The following KLRG2 variants were observed in gnomAD, a reference collection of about 807,000 sequenced individuals.
The protein encoded by KLRG2 is killer cell lectin-like receptor subfamily G member 2.
Under a neutral mutation model 35.4 loss-of-function variants are expected in KLRG2, and 39 were observed. The observed-to-expected ratio is 1.10, with a 90% CI of 0.85 to 1.44. The LOEUF is 1.44. KLRG2 is among the 40% of genes most tolerant of loss of function. The pLI is 0.00. For synonymous variants in KLRG2, 283 were observed against 265.8 expected (o/e 1.06, Z -0.63); for missense variants, 632 against 570.9 (o/e 1.11, Z -1.09).
chr7:139,455,023 ATT>A (rs35053312), intron 3 of KLRG2, among the ~76,000 whole-genome samples: 2 of 145,414 alleles, frequency 1.4e-5, no homozygotes, highest in African/African-American at 5.0e-5. Context: ...TATATTTAAG[ATT>A]TTTTTTTTTT....
the KLRG2 span, among the ~76,000 whole-genome samples, chr7:139,433,928 G>A: frequency 6.6e-6 from 1 of 152,040 alleles, no homozygotes; most frequent in African/African-American, 2.4e-5. Flanking sequence ...GTGAGCCACC[G>A]CGCCCAGCAT....
At chr7:139,445,851 G>A in the KLRG2 span, among the ~76,000 whole-genome samples, 4 of 144,428 alleles carry the variant, frequency 2.8e-5, no homozygotes, top group Non-Finnish European at 5.9e-5. Flanking sequence ...ATTTTTTTGA[G>A]ACGGAGTTTC....
chr7:139,456,778 C>T (rs1225832549), intron 3 of KLRG2, among the ~76,000 whole-genome samples: 1 of 152,236 alleles, frequency 6.6e-6, no homozygotes, highest in Non-Finnish European at 1.5e-5. Flanking sequence ...CGTGCCACCA[C>T]TCATGTGCTG....
chr7:139,442,269 C>A, the KLRG2 span, among the ~76,000 whole-genome samples: 1 of 152,158 alleles, frequency 6.6e-6, no homozygotes. Context: ...CAGAGAGGAG[C>A]AACTGTCCAC....
At position 139,483,397 on chromosome 7, in the gene KLRG2, C is replaced by T. The variant is rs1797005991; in HGVS notation, c.246G>A (p.Pro82=). 2 of 1,538,866 alleles carry T rather than the reference C, an allele frequency of 1.3e-6. No homozygotes were observed. Among genetic ancestry groups the T allele is most frequent in the African/African-American group, 1.4e-5 (1 of 70,460 alleles). ...GGCAGACCCCGTAGCCCAGGCTGAG[C>T]GGCGGCACGCGCGGGGACCCGGGGC... The part of the protein sequence containing the change: ...SPRPGSPRVP[P]LSLGYGVCPE... The change falls in exon 1 of 5, where the codon CCG becomes CCA. Residue 82 remains proline, a synonymous_variant. Coordinates refer to ENST00000340940, the MANE Select transcript of KLRG2 (RefSeq NM_198508.4).
the KLRG2 span, among the ~76,000 whole-genome samples, chr7:139,445,804 T>TAC: frequency 7.1e-6 from 1 of 141,180 alleles, no homozygotes; most frequent in Non-Finnish European, 1.5e-5. Context: ...TGTGTATATA[T>TAC]ATATGACGGA....
At chr7:139,477,782 G>A (rs1249438189) in intron 3 of KLRG2, among the ~76,000 whole-genome samples, 3 of 150,918 alleles carry the variant, frequency 2.0e-5, no homozygotes, top group African/African-American at 4.9e-5. Context: ...TTTTTGAGAC[G>A]GAGTCCCGCT....
chr7:139,461,279 C>T (rs1049959379), intron 3 of KLRG2, among the ~76,000 whole-genome samples: 94 of 152,076 alleles, frequency 6.2e-4, no homozygotes, highest in African/African-American at 2.2e-3. Context: ...ATGTGGGGGA[C>T]ACACCTAAAC....
intron 3 of KLRG2, among the ~76,000 whole-genome samples, chr7:139,466,028 C>T (rs777072594): frequency 9.9e-5 from 15 of 152,244 alleles, no homozygotes; most frequent in Non-Finnish European, 1.6e-4. Context: ...GGTTACAAGC[C>T]GCTGGTCTGC....
At chr7:139,455,023 AT>A (rs35053312) in intron 3 of KLRG2, among the ~76,000 whole-genome samples, 87 of 145,350 alleles carry the variant, frequency 6.0e-4, no homozygotes, top group Non-Finnish European at 5.6e-4. Context: ...TATATTTAAG[AT>A]TTTTTTTTTT....
At chr7:139,445,317 G>A in the KLRG2 span, among the ~76,000 whole-genome samples, 2 of 152,120 alleles carry the variant, frequency 1.3e-5, no homozygotes, top group Non-Finnish European at 2.9e-5. Flanking sequence ...CCTGACCTCA[G>A]GTGATCTGCC....
chr7:139,455,007 A>C (rs1796444541), intron 3 of KLRG2, among the ~76,000 whole-genome samples: 2 of 148,078 alleles, frequency 1.4e-5, no homozygotes, highest in South Asian at 4.2e-4. Flanking sequence ...ACAATGTTTT[A>C]AAGTATATAT....
At chr7:139,443,777 G>A in the KLRG2 span, among the ~76,000 whole-genome samples, 3 of 152,144 alleles carry the variant, frequency 2.0e-5, no homozygotes, top group African/African-American at 7.2e-5. Context: ...GGCCAGGCTG[G>A]TCTCAAACTC....
intron 3 of KLRG2, among the ~76,000 whole-genome samples, chr7:139,474,245 C>T (rs1350182551): frequency 1.3e-5 from 2 of 151,940 alleles, no homozygotes; most frequent in African/African-American, 4.8e-5. Flanking sequence ...AGGCTGATCT[C>T]GAACTCCTGA....
At chr7:139,466,605 C>T (rs1159641057) in intron 3 of KLRG2, among the ~76,000 whole-genome samples, 2 of 152,140 alleles carry the variant, frequency 1.3e-5, no homozygotes, top group Non-Finnish European at 2.9e-5. Flanking sequence ...TCTACCTCTC[C>T]CCAGCTATCT....
intron 3 of KLRG2, 141 bp from the exon 4 acceptor site, chr7:139,454,355 A>T: frequency 1.6e-6 from 1 of 631,558 alleles, no homozygotes; most frequent in South Asian, 1.8e-5. Flanking sequence ...CAGAACAAAA[A>T]AACCTTGAAA....
intron 3 of KLRG2, among the ~76,000 whole-genome samples, chr7:139,463,094 C>G (rs1437322271): frequency 6.6e-6 from 1 of 152,156 alleles, no homozygotes. Flanking sequence ...GTGGCTGGAG[C>G]CAAAGGCATG....
chr7:139,430,551 T>G, the KLRG2 span, among the ~76,000 whole-genome samples: 3 of 152,214 alleles, frequency 2.0e-5, no homozygotes, highest in Non-Finnish European at 4.4e-5. Flanking sequence ...TACAGCTATT[T>G]TGGAAAACAG....
At chr7:139,444,951 G>A in the KLRG2 span, among the ~76,000 whole-genome samples, 1 of 152,082 alleles carries the variant, frequency 6.6e-6, no homozygotes, top group African/African-American at 2.4e-5. Flanking sequence ...GAATAATGAA[G>A]CAAAACCAAC....
Sources: allele counts gnomAD v4.1 joint callset (sites outside exome capture counted in the v4.1 genomes callset), GRCh38; gene constraint gnomAD v4.1.1; transcripts MANE v1.5; gene names NCBI Gene and HGNC (gene_info 2026-07-23, HGNC 2026-07-21).